PPP2R2C: variants seen among roughly 807,000 people sequenced by gnomAD.
The protein encoded by PPP2R2C is protein phosphatase 2, regulatory subunit B, gamma.
In PPP2R2C, 10 loss-of-function variants were observed where a neutral mutation model predicts 45.3. The ratio of observed to expected loss-of-function variants is 0.22; its 90% CI spans 0.14 to 0.37. The LOEUF (loss-of-function observed/expected upper bound fraction) is 0.37. Among genes scored for constraint, PPP2R2C ranks in the 10% least tolerant of loss-of-function variants. PPP2R2C has a pLI of 1.00. For missense variants in PPP2R2C, 308 were observed against 619.7 expected, an observed-to-expected ratio of 0.50 and a Z score of 5.34; for synonymous variants, 257 against 245.4, an observed-to-expected ratio of 1.05 and a Z score of -0.44.
intron 2 of PPP2R2C, among the ~76,000 whole-genome samples, chr4:6,509,029 C>T (rs1723337341): frequency 6.6e-6 from 1 of 152,242 alleles, no homozygotes; most frequent in Non-Finnish European, 1.5e-5. Context: ...TTTTGCCCCT[C>T]AGACGAATCC....
chr4:6,419,285 G>A (rs1718809278), intron 1 of PPP2R2C, among the ~76,000 whole-genome samples: 1 of 152,092 alleles, frequency 6.6e-6, no homozygotes, highest in Non-Finnish European at 1.5e-5. Context: ...AATTAGGCAA[G>A]CGTGGTGGCA....
At chr4:6,338,811 T>C (rs1277909169) in intron 6 of PPP2R2C, among the ~76,000 whole-genome samples, 1 of 152,090 alleles carries the variant, frequency 6.6e-6, no homozygotes, top group Non-Finnish European at 1.5e-5. Flanking sequence ...CTGCCTCCCG[T>C]AGCCCCTGCC....
intron 5 of PPP2R2C, among the ~76,000 whole-genome samples, chr4:6,358,548 C>T (rs1423411326): frequency 6.8e-6 from 1 of 148,090 alleles, no homozygotes; most frequent in Non-Finnish European, 1.5e-5. Flanking sequence ...GCCATCAGAG[C>T]AAACAGGCAA....
chr4:6,530,881 A>C (rs996074405), intron 2 of PPP2R2C, among the ~76,000 whole-genome samples: 1 of 152,340 alleles, frequency 6.6e-6, no homozygotes, highest in South Asian at 2.1e-4. Context: ...GTGGTTCTCC[A>C]CCAGGCTGCT....
At chr4:6,447,677 C>T (rs940887797) in intron 1 of PPP2R2C, among the ~76,000 whole-genome samples, 3 of 152,126 alleles carry the variant, frequency 2.0e-5, no homozygotes, top group African/African-American at 4.8e-5. Flanking sequence ...AACATCCTTC[C>T]GTCGCCCTTT....
At chr4:6,416,085 A>G (rs1457050381) in intron 1 of PPP2R2C, among the ~76,000 whole-genome samples, 1 of 128,998 alleles carries the variant, frequency 7.8e-6, no homozygotes, top group Admixed American at 8.0e-5. Context: ...CTCATGAGCA[A>G]TTTAAACACA....
rs1560594082 is a variant in PPP2R2C at position 6,511,607 on chromosome 4, T to TGGTGGTGGG, written c.49+23663_49+23664insCCCACCACC. 2.3e-4 allele frequency among the ~76,000 whole-genome samples: 2 copies of TGGTGGTGGG among 8,824 alleles called. 1 individual carries two copies. The highest frequency in any genetic ancestry group is 7.2e-4 in the Non-Finnish European group (2 of 2,774). The allele number at this position is 8,824 out of a possible 152,430, so 5.8% of individuals were successfully genotyped here. A position where few individuals can be genotyped will look rare whatever the true frequency, so the allele number is the denominator to read the frequency against. ...GTGGTGGTGGTGGTGATGGGGGTGG[T>TGGTGGTGGG]GGTGGTGGTGATGGTGGTGGTGGTG... is the stretch of plus-strand genomic sequence containing the variant. On this transcript the variant is annotated intron_variant, in intron 2 of 9. Transcript: ENST00000506140.
intron 5 of PPP2R2C, among the ~76,000 whole-genome samples, chr4:6,353,145 G>A (rs1358069057): frequency 6.6e-6 from 1 of 152,048 alleles, no homozygotes; most frequent in African/African-American, 2.4e-5. Flanking sequence ...TTGAAGCCAT[G>A]AAGGTTATGG....
At chr4:6,388,241 G>C (rs189054901) in intron 1 of PPP2R2C, among the ~76,000 whole-genome samples, 1,920 of 152,282 alleles carry the variant, frequency 0.013, 29 homozygotes, top group Non-Finnish European at 0.017. Flanking sequence ...CCAGCCCCCT[G>C]GTGCTGGGCA....
chr4:6,516,299 T>A (rs371667498), intron 2 of PPP2R2C, among the ~76,000 whole-genome samples: 22 of 151,908 alleles, frequency 1.4e-4, no homozygotes, highest in African/African-American at 4.6e-4. Flanking sequence ...CCTGGGAGAG[T>A]TTCTTGGCAT....
intron 1 of PPP2R2C, among the ~76,000 whole-genome samples, chr4:6,543,227 A>C (rs6825398): frequency 0.95 from 144,427 of 152,250 alleles, 69,003 homozygotes; most frequent in East Asian, 1. Context: ...ACAGCTGTCA[A>C]TGGACTACAA....
At chr4:6,341,204 TG>T (rs1045064510) in intron 6 of PPP2R2C, among the ~76,000 whole-genome samples, 1 of 152,102 alleles carries the variant, frequency 6.6e-6, no homozygotes, top group Admixed American at 6.6e-5. Context: ...TCGGGTGTGG[TG>T]GCCGGCACCT....
rs1029524626 is a variant in PPP2R2C at position 6,491,142 on chromosome 4, T to C, written c.49+44129A>G. Among the ~76,000 whole-genome samples the C allele has an allele frequency of 5.9e-5, 9 of 152,326 alleles. No homozygotes were observed. The South Asian group carries it at 8.3e-4, about 14-fold the overall frequency. On this transcript the variant is annotated intron_variant, in intron 2 of 9. Coordinates refer to the PPP2R2C transcript ENST00000506140. The stretch of plus-strand genomic sequence containing the variant: ...ATCTCTGTGGACAGGGATTTTTGCC[T>C]GTTTTGCTCACTGTGTTGTGTACCC...
chr4:6,388,688 T>C (rs1424577175), intron 1 of PPP2R2C, among the ~76,000 whole-genome samples: 2 of 151,926 alleles, frequency 1.3e-5, no homozygotes, highest in Non-Finnish European at 2.9e-5. Context: ...TCCCAATGCC[T>C]GGAAATGCCC....
intron 6 of PPP2R2C, among the ~76,000 whole-genome samples, chr4:6,336,504 G>T (rs910891655): frequency 1.3e-5 from 2 of 151,988 alleles, no homozygotes; most frequent in African/African-American, 4.8e-5. Flanking sequence ...CGCTTTTCAG[G>T]AAGGGGCAGG....
At chr4:6,411,922 T>C (rs1293716351) in intron 1 of PPP2R2C, among the ~76,000 whole-genome samples, 1 of 152,246 alleles carries the variant, frequency 6.6e-6, no homozygotes, top group Non-Finnish European at 1.5e-5. Flanking sequence ...TTAACATCCC[T>C]GGTGCATCAT....
intron 1 of PPP2R2C, among the ~76,000 whole-genome samples, chr4:6,470,890 G>A (rs1018873646): frequency 4.6e-5 from 7 of 151,828 alleles, no homozygotes; most frequent in Non-Finnish European, 8.8e-5. Flanking sequence ...CGCGGCCCCC[G>A]CAGCCTCCCT....
chr4:6,540,156 C>T (rs983395101), intron 1 of PPP2R2C, among the ~76,000 whole-genome samples: 5 of 152,192 alleles, frequency 3.3e-5, no homozygotes, highest in South Asian at 2.1e-4. Flanking sequence ...GCAGCCCTCA[C>T]CATGATTTAC....
chr4:6,457,047 A>G (rs1324595832), intron 1 of PPP2R2C, among the ~76,000 whole-genome samples: 6 of 152,092 alleles, frequency 3.9e-5, no homozygotes, highest in African/African-American at 1.2e-4. Flanking sequence ...CGTCTCTACT[A>G]AAAATACAAA....
Sources: allele counts gnomAD v4.1 joint callset (sites outside exome capture counted in the v4.1 genomes callset), GRCh38; gene constraint gnomAD v4.1.1; transcripts MANE v1.5; gene names NCBI Gene and HGNC (gene_info 2026-07-23, HGNC 2026-07-21).